The following TP63 variants were observed in gnomAD, a reference collection of about 807,000 sequenced individuals.
TP63 encodes tumor protein p63.
In TP63, 17 loss-of-function variants were observed where a neutral mutation model predicts 82.8. The observed-to-expected ratio is 0.21, with a 90% CI of 0.14 to 0.31. TP63 has a LOEUF of 0.31. TP63 is among the 10% of genes least tolerant of loss of function. The pLI is 1.00. For synonymous variants in TP63, 330 were observed against 321.7 expected, an observed-to-expected ratio of 1.03 and a Z score of -0.28; for missense variants, 648 against 895.3, an observed-to-expected ratio of 0.72 and a Z score of 3.52.
chr3:189,739,487 C>G (rs545998190), intron 3 of TP63, among the ~76,000 whole-genome samples: 78 of 152,280 alleles, frequency 5.1e-4, no homozygotes, highest in South Asian at 1.5e-3. Flanking sequence ...CTCTATCCTT[C>G]TTTAATGCAG....
intron 1 of TP63, among the ~76,000 whole-genome samples, chr3:189,657,569 A>T (rs1275589915): frequency 6.6e-6 from 1 of 152,146 alleles, no homozygotes; most frequent in South Asian, 2.1e-4. Context: ...ATTTAACAAT[A>T]TTGCAACAAC....
At chr3:189,742,120 G>T (rs1251631660) in intron 3 of TP63, among the ~76,000 whole-genome samples, 2 of 150,876 alleles carry the variant, frequency 1.3e-5, no homozygotes. Flanking sequence ...GCGGGTGCCT[G>T]TAGTCCCAGC....
chr3:189,638,752 C>T (rs1711550202), intron 1 of TP63, among the ~76,000 whole-genome samples: 1 of 152,092 alleles, frequency 6.6e-6, no homozygotes, highest in Non-Finnish European at 1.5e-5. Context: ...TTGGAAGGTT[C>T]TCAGTTAATT....
intron 4 of TP63, among the ~76,000 whole-genome samples, chr3:189,849,445 C>G (rs1016666513): frequency 1.3e-5 from 2 of 151,978 alleles, no homozygotes; most frequent in Non-Finnish European, 2.9e-5. Flanking sequence ...TGGAGGACAC[C>G]CAGCTTGGTG....
At chr3:189,638,212 C>T (rs1036688583) in intron 1 of TP63, among the ~76,000 whole-genome samples, 2 of 152,074 alleles carry the variant, frequency 1.3e-5, no homozygotes, top group Non-Finnish European at 2.9e-5. Flanking sequence ...AATTGTTATC[C>T]CCAAATTGTA....
At chr3:189,680,186 G>A (rs1715789260) in intron 1 of TP63, among the ~76,000 whole-genome samples, 1 of 151,950 alleles carries the variant, frequency 6.6e-6, no homozygotes, top group Admixed American at 6.6e-5. Flanking sequence ...TATCTTTTGG[G>A]TGTTTGGATA....
At chr3:189,753,639 G>A (rs1721983121) in intron 3 of TP63, among the ~76,000 whole-genome samples, 1 of 151,694 alleles carries the variant, frequency 6.6e-6, no homozygotes, top group Admixed American at 6.6e-5. Context: ...TCTTTTAATT[G>A]GTGTATTTAC....
chr3:189,621,218 G>A, the TP63 span, among the ~76,000 whole-genome samples: 1 of 152,096 alleles, frequency 6.6e-6, no homozygotes, highest in African/African-American at 2.4e-5. Context: ...ATTACAATTA[G>A]GAGCTTATGA....
chr3:189,813,468 T>G (rs1406723466), intron 4 of TP63, among the ~76,000 whole-genome samples: 1 of 152,164 alleles, frequency 6.6e-6, no homozygotes, highest in Non-Finnish European at 1.5e-5. Context: ...TGAGGCTTCT[T>G]GGTGAACATA....
At chr3:189,690,170 T>C (rs767875194) in intron 1 of TP63, among the ~76,000 whole-genome samples, 9 of 152,200 alleles carry the variant, frequency 5.9e-5, no homozygotes, top group Non-Finnish European at 1.3e-4. Context: ...GTAAACCTTT[T>C]CAGTAGAATG....
At chr3:189,764,105 T>A (rs4075773) in intron 3 of TP63, among the ~76,000 whole-genome samples, 49,774 of 151,978 alleles carry the variant, frequency 0.33, 8,394 homozygotes, top group African/African-American at 0.42. Flanking sequence ...ATGCTCATTG[T>A]CAAAAGAGGT....
chr3:189,604,733 T>A, the TP63 span, among the ~76,000 whole-genome samples: 1 of 152,236 alleles, frequency 6.6e-6, no homozygotes, highest in African/African-American at 2.4e-5. Context: ...AACTATATCT[T>A]ATTTTGTTAC....
At chr3:189,760,588 G>A (rs1722494828) in intron 3 of TP63, among the ~76,000 whole-genome samples, 1 of 152,190 alleles carries the variant, frequency 6.6e-6, no homozygotes, top group Non-Finnish European at 1.5e-5. Context: ...TTCCCTCCTG[G>A]CTGCCTTCAT....
Position 189,808,450 on chromosome 3 carries a change from A to T in TP63, c.503A>T (p.Asn168Ile). ...ALSPSPAIPS[N>I]TDYPGPHSFD... The stretch of plus-strand genomic sequence containing the variant: ...TCTCCATCACCCGCCATCCCCTCCA[A>T]CACCGACTACCCAGGCCCGCACAGT... The change falls in exon 4 of 14, where the codon AAC (asparagine) becomes ATC (isoleucine). Residue 168 changes from asparagine to isoleucine, a missense_variant. Asn to Ile is a moderately radical substitution (Grantham distance 149, BLOSUM62 -3). Coordinates refer to ENST00000264731, the MANE Select transcript of TP63 (RefSeq NM_003722.5). 9 of 1,613,982 alleles carry T rather than the reference A, an allele frequency of 5.6e-6. No homozygotes were observed. The highest frequency in any genetic ancestry group is 7.6e-6 in the Non-Finnish European group (9 of 1,180,000).
intron 1 of TP63, among the ~76,000 whole-genome samples, chr3:189,730,400 A>G (rs900394330): frequency 6.6e-6 from 1 of 152,226 alleles, no homozygotes; most frequent in African/African-American, 2.4e-5. Flanking sequence ...ATGAGACAGA[A>G]TTAGTAAAAT....
At chr3:189,767,894 A>G (rs1442571361) in intron 3 of TP63, among the ~76,000 whole-genome samples, 1 of 152,174 alleles carries the variant, frequency 6.6e-6, no homozygotes, top group Non-Finnish European at 1.5e-5. Flanking sequence ...GATCTGACAC[A>G]TGTCACTAAC....
intron 3 of TP63, among the ~76,000 whole-genome samples, chr3:189,788,084 G>GT (rs35421829): frequency 0.5 from 72,184 of 145,194 alleles, 18,123 homozygotes; most frequent in Middle Eastern, 0.59. Flanking sequence ...TTGTAAGTAG[G>GT]TTTTTTTTTT....
At chr3:189,770,153 C>T (rs572445911) in intron 3 of TP63, among the ~76,000 whole-genome samples, 1 of 152,336 alleles carries the variant, frequency 6.6e-6, no homozygotes, top group African/African-American at 2.4e-5. Context: ...CAATCTGAAT[C>T]TTCTAAATGC....
intron 1 of TP63, among the ~76,000 whole-genome samples, chr3:189,672,724 G>A (rs1425765503): frequency 6.7e-6 from 1 of 149,836 alleles, no homozygotes; most frequent in Non-Finnish European, 1.5e-5. Flanking sequence ...AAGGCAGGCA[G>A]GCAGGTAAAA....
Sources: allele counts gnomAD v4.1 joint callset (sites outside exome capture counted in the v4.1 genomes callset), GRCh38; gene constraint gnomAD v4.1.1; transcripts MANE v1.5; gene names NCBI Gene and HGNC (gene_info 2026-07-23, HGNC 2026-07-21).